The following HFM1 variants were observed in gnomAD, a reference collection of about 807,000 sequenced individuals.
HFM1 encodes helicase for meiosis 1.
A neutral mutation model predicts 192.1 loss-of-function variants in HFM1; 169 were observed. That is an observed-to-expected ratio of 0.88 (90% CI 0.78 to 1.00). The LOEUF is 1.00. Among genes scored for constraint, HFM1 ranks in the 50% least tolerant of loss-of-function variants. HFM1 has a pLI of 0.00. For synonymous variants in HFM1, 525 were observed against 537.8 expected (o/e 0.98, Z 0.33); for missense variants, 1,661 against 1,668.0 (o/e 1.00, Z 0.07).
intron 13 of HFM1, among the ~76,000 whole-genome samples, chr1:91,356,824 T>C (rs1271217136): frequency 1.3e-5 from 2 of 152,022 alleles, no homozygotes; most frequent in Non-Finnish European, 2.9e-5. Context: ...TGAACAATTA[T>C]ATATTAATAC....
intron 21 of HFM1, among the ~76,000 whole-genome samples, chr1:91,323,634 G>C (rs72726296): frequency 1.8e-3 from 275 of 152,234 alleles, no homozygotes; most frequent in Non-Finnish European, 3.3e-3. Context: ...GAATGTTTTA[G>C]ATATTAGGAA....
chr1:91,362,415 C>A (rs532272404), intron 13 of HFM1, among the ~76,000 whole-genome samples: 1 of 152,080 alleles, frequency 6.6e-6, no homozygotes, highest in African/African-American at 2.4e-5. Context: ...AGTCAGAGAG[C>A]CAAACAGTGA....
At chr1:91,324,476 A>G (rs559605618) in intron 21 of HFM1, among the ~76,000 whole-genome samples, 199 bp downstream of exon 21, 1 of 152,340 alleles carries the variant, frequency 6.6e-6, no homozygotes, top group East Asian at 1.9e-4. Flanking sequence ...ATAAGAGTTA[A>G]AACAGAAAAT....
intron 30 of HFM1, among the ~76,000 whole-genome samples, chr1:91,287,415 C>A (rs532889923): frequency 6.6e-6 from 1 of 152,014 alleles, no homozygotes; most frequent in Non-Finnish European, 1.5e-5. Flanking sequence ...ACACCTCACA[C>A]GTCCGGGTAC....
At chr1:91,333,411 A>C (rs115659002) in intron 20 of HFM1, among the ~76,000 whole-genome samples, 355 of 152,204 alleles carry the variant, frequency 2.3e-3, no homozygotes, top group African/African-American at 8.4e-3. Flanking sequence ...AAATAATTGA[A>C]CTCATGGACA....
At chr1:91,303,457 T>C (rs1649143442) in intron 30 of HFM1, among the ~76,000 whole-genome samples, 1 of 152,234 alleles carries the variant, frequency 6.6e-6, no homozygotes, top group African/African-American at 2.4e-5. Flanking sequence ...CTATTATAAA[T>C]AATGCAGCTA....
chr1:91,342,473 T>G (rs896131208), intron 20 of HFM1, among the ~76,000 whole-genome samples: 1 of 152,180 alleles, frequency 6.6e-6, no homozygotes, highest in Non-Finnish European at 1.5e-5. Context: ...AGAGTGGAAT[T>G]TGAATGAACA....
chr1:91,364,955 TACACACACATAC>T (rs1196607118), intron 13 of HFM1, among the ~76,000 whole-genome samples: 2 of 151,750 alleles, frequency 1.3e-5, no homozygotes, highest in Non-Finnish European at 2.9e-5. Context: ...TAACATAGTA[TACACACACATAC>T]ACACACACAT....
chr1:91,367,706 T>G (rs1295732007), intron 13 of HFM1, among the ~76,000 whole-genome samples: 1 of 151,994 alleles, frequency 6.6e-6, no homozygotes, highest in East Asian at 1.9e-4. Context: ...CCTATCCTCC[T>G]CCAAAGGAAC....
chr1:91,342,653 A>G (rs1655525049), intron 20 of HFM1, among the ~76,000 whole-genome samples: 2 of 152,210 alleles, frequency 1.3e-5, no homozygotes, highest in Admixed American at 6.5e-5. Context: ...CACATAAAAC[A>G]TATTAAATAA....
chr1:91,265,323 AAAT>A (rs1401133329), intron 36 of HFM1, among the ~76,000 whole-genome samples: 4 of 152,196 alleles, frequency 2.6e-5, no homozygotes, highest in African/African-American at 9.6e-5. Flanking sequence ...CAAAATTTAA[AAAT>A]AATAAGATAT....
chr1:91,313,302 C>G (rs766600999), intron 30 of HFM1, 47 bp downstream of exon 30: 5 of 1,141,178 alleles, frequency 4.4e-6, no homozygotes, highest in African/African-American at 3.1e-5. Context: ...TCCTTCCTAG[C>G]CATATCTTTG....
chr1:91,323,724 G>A (rs1033027462), intron 21 of HFM1, among the ~76,000 whole-genome samples: 3 of 152,128 alleles, frequency 2.0e-5, no homozygotes, highest in African/African-American at 7.2e-5. Context: ...ATCTAAAATG[G>A]AACTAACACT....
At chr1:91,356,943 T>C (rs1657825467) in intron 13 of HFM1, among the ~76,000 whole-genome samples, 1 of 151,998 alleles carries the variant, frequency 6.6e-6, no homozygotes, top group Admixed American at 6.5e-5. Flanking sequence ...TAACACATAA[T>C]GAGATTGAAG....
intron 11 of HFM1, among the ~76,000 whole-genome samples, chr1:91,377,177 G>A (rs907676105): frequency 6.6e-6 from 1 of 151,790 alleles, no homozygotes; most frequent in Non-Finnish European, 1.5e-5. Context: ...CATGTGTAAA[G>A]ATAAACGCTA....
intron 30 of HFM1, among the ~76,000 whole-genome samples, chr1:91,308,980 A>G (rs79792950): frequency 0.061 from 9,322 of 152,212 alleles, 384 homozygotes; most frequent in Admixed American, 0.11. Context: ...TAATTTTATA[A>G]GGTATGAAGG....
At position 91,262,320 on chromosome 1, in the gene HFM1, T is replaced by C. The variant is rs765280416; in HGVS notation, c.4159A>G (p.Lys1387Glu). The C allele has an allele frequency of 3.2e-6, 5 of 1,547,552 alleles. No individual in the cohort carries two copies. The highest frequency in any genetic ancestry group is 4.4e-6 in the Non-Finnish European group (5 of 1,141,490). The change falls in exon 38 of 39, where the codon AAA becomes GAA. Residue 1387 changes from lysine (K) to glutamate (E), a missense_variant. Transcript: ENST00000370425. The part of the protein sequence containing the change: ...IEKQCFTFSE[K>E]NPNSSNYKKV... ...TTATAATTTGAAGAATTTGGGTTTTTTTCAGAGAAAGTAAAGCATTGCTTC... is the reference window on the plus strand; with the variant it reads ...TTATAATTTGAAGAATTTGGGTTTTCTTCAGAGAAAGTAAAGCATTGCTTC...
chr1:91,359,379 T>C (rs1460456075), intron 13 of HFM1, among the ~76,000 whole-genome samples: 1 of 152,030 alleles, frequency 6.6e-6, no homozygotes, highest in Non-Finnish European at 1.5e-5. Flanking sequence ...CAGGAGCTGA[T>C]AGCCAGAACA....
intron 1 of HFM1, among the ~76,000 whole-genome samples, chr1:91,401,567 G>C (rs1016296057): frequency 1.3e-5 from 2 of 152,118 alleles, no homozygotes; most frequent in African/African-American, 4.8e-5. Context: ...AATATACTAT[G>C]TACATATGCA....
Sources: allele counts gnomAD v4.1 joint callset (sites outside exome capture counted in the v4.1 genomes callset), GRCh38; gene constraint gnomAD v4.1.1; transcripts MANE v1.5; gene names NCBI Gene and HGNC (gene_info 2026-07-23, HGNC 2026-07-21).